MAL2: variants seen among roughly 807,000 people sequenced by gnomAD.
The protein encoded by MAL2 is mal, T cell differentiation protein 2, also known as protein MAL2.
MAL2 carries 17 observed loss-of-function variants against 18.1 expected under a neutral mutation model. That is an observed-to-expected ratio of 0.94 (90% CI 0.64 to 1.41). MAL2 has a LOEUF of 1.41. MAL2 is among the 40% of genes most tolerant of loss of function. MAL2 has a pLI of 0.00. For synonymous variants in MAL2, 102 were observed against 102.3 expected (o/e 1.00, Z 0.02); for missense variants, 222 against 231.9 (o/e 0.96, Z 0.28).
chr8:119,218,068 G>C (rs1425049), intron 1 of MAL2, among the ~76,000 whole-genome samples: 133,472 of 152,222 alleles, frequency 0.88, 59,853 homozygotes, highest in Non-Finnish European at 0.97. Context: ...CCATACACCA[G>C]TATGACAGTC....
At position 119,243,677 on chromosome 8, in the gene MAL2, A is replaced by C. The variant is rs964331773; in HGVS notation, c.*189A>C. ...GTTAATTTTATTATGATATTAAAGA[A>C]ATGGCCTTTTATTTTACATCTCTCC... On this transcript the variant is annotated 3_prime_UTR_variant, in exon 4 of 4. Coordinates refer to ENST00000614891, the MANE Select transcript of MAL2 (RefSeq NM_052886.3). 1 of 417,112 alleles carries C rather than the reference A, an allele frequency of 2.4e-6. No homozygotes were observed. The highest frequency in any genetic ancestry group is 2.1e-5 in the African/African-American group (1 of 48,688). 25.8% of individuals were successfully genotyped at this position (417,112 alleles called of 1,614,324 possible). A position where few individuals can be genotyped will look rare whatever the true frequency, so the allele number is the denominator to read the frequency against.
At chr8:119,216,413 T>A (rs1488147242) in intron 1 of MAL2, among the ~76,000 whole-genome samples, 1 of 152,192 alleles carries the variant, frequency 6.6e-6, no homozygotes, top group Non-Finnish European at 1.5e-5. Context: ...AATGGATTTG[T>A]ACCTCAATTA....
intron 1 of MAL2, among the ~76,000 whole-genome samples, chr8:119,217,745 C>T (rs1032600073): frequency 1.3e-5 from 2 of 152,136 alleles, no homozygotes; most frequent in Non-Finnish European, 2.9e-5. Flanking sequence ...TGTTCTCTGT[C>T]AGATTTAACC....
intron 1 of MAL2, among the ~76,000 whole-genome samples, chr8:119,213,647 C>T (rs1041848707): frequency 4.6e-5 from 7 of 152,006 alleles, no homozygotes; most frequent in Admixed American, 3.9e-4. Flanking sequence ...GGTGAAACCC[C>T]CATCTCTACT....
At chr8:119,232,118 A>C (rs1248053329) in intron 2 of MAL2, among the ~76,000 whole-genome samples, 2 of 151,984 alleles carry the variant, frequency 1.3e-5, no homozygotes, top group African/African-American at 4.8e-5. Flanking sequence ...TTATATATTT[A>C]TGTATATATA....
intron 1 of MAL2, among the ~76,000 whole-genome samples, chr8:119,212,095 C>T (rs893509271): frequency 6.6e-6 from 1 of 152,124 alleles, no homozygotes; most frequent in African/African-American, 2.4e-5. Context: ...GGGAAGTGAA[C>T]TGCAGCTAAA....
In MAL2 at chr8:119,221,580, C is replaced by T. The variant is rs757375954; in HGVS notation, c.133-7C>T. On this transcript the variant is annotated splice_polypyrimidine_tract_variant and splice_region_variant and intron_variant, in intron 1 of 3. Transcript: ENST00000614891. Reference sequence around the variant, plus strand: ...AGCAAACCAATTACCCTCTTTTTCTCTTTCAGCTGTTCGGGGGTCTTGTCT... The same window carrying T: ...AGCAAACCAATTACCCTCTTTTTCTTTTTCAGCTGTTCGGGGGTCTTGTCT... The T allele has an allele frequency of 3.7e-6, 6 of 1,612,264 alleles. No homozygotes were observed. Among genetic ancestry groups the T allele is most frequent in the Non-Finnish European group, 5.1e-6 (6 of 1,179,410 alleles).
rs1184956054 is a variant in MAL2, at chr8:119,208,397, G to T, written c.-76G>T. The T allele has an allele frequency of 1.5e-5, 13 of 854,476 alleles. No individual in the cohort carries two copies. Among genetic ancestry groups the T allele is most frequent in the Non-Finnish European group, 1.9e-5 (13 of 701,826 alleles). The allele number at this position is 854,476 out of a possible 1,614,324, so 52.9% of individuals were successfully genotyped here. A position where few individuals can be genotyped will look rare whatever the true frequency, so the allele number is the denominator to read the frequency against. On this transcript the variant is annotated 5_prime_UTR_variant, in exon 1 of 4. Transcript: ENST00000614891. This position sits in a 1 kb window ranked among gnomAD's most constrained non-coding sequence, Gnocchi z 4.3. ...GCCCGCGGAGCTGAGCGGCGGCGGC[G>T]GCGGCGGCAGGAGCCCGGGAGGCGG...
intron 1 of MAL2, among the ~76,000 whole-genome samples, chr8:119,215,882 G>A (rs1425630797): frequency 5.3e-5 from 8 of 152,104 alleles, no homozygotes; most frequent in African/African-American, 1.7e-4. Context: ...TACTTGTGTG[G>A]GCTGCTTTGT....
rs1818096470 is a variant in MAL2 at position 119,243,711 on chromosome 8, C to T, written c.*223C>T. 1.3e-5 allele frequency: 5 copies of T among 372,898 alleles called. No individual in the cohort carries two copies. The highest frequency in any genetic ancestry group is 2.4e-5 in the Non-Finnish European group (5 of 210,010). 23.1% of individuals were successfully genotyped at this position (372,898 alleles called of 1,614,324 possible). ...TTATTTTACATCTCTCCCCTTTTTC[C>T]CTTTCCCCCTTTATTTTCCTCCTTT... On this transcript the variant is annotated 3_prime_UTR_variant, in exon 4 of 4. Coordinates refer to ENST00000614891, the MANE Select transcript of MAL2 (RefSeq NM_052886.3).
intron 1 of MAL2, among the ~76,000 whole-genome samples, chr8:119,218,312 G>A (rs1478241433): frequency 6.6e-6 from 1 of 152,112 alleles, no homozygotes; most frequent in Non-Finnish European, 1.5e-5. Flanking sequence ...GCAGCATTTA[G>A]TTTCCCTTCC....
chr8:119,230,375 T>G (rs1817692127), intron 2 of MAL2, among the ~76,000 whole-genome samples: 1 of 150,802 alleles, frequency 6.6e-6, no homozygotes. Context: ...AGGAAAGCCT[T>G]GAAACCACAA....
chr8:119,235,619 C>T (rs1449761365), intron 2 of MAL2, among the ~76,000 whole-genome samples: 17 of 151,946 alleles, frequency 1.1e-4, no homozygotes, highest in Non-Finnish European at 2.9e-5. Context: ...ACCCTACAAG[C>T]CAGAAGAGAG....
chr8:119,240,436 A>G, intron 3 of MAL2, 116 bp downstream of exon 3: 2 of 1,041,460 alleles, frequency 1.9e-6, no homozygotes, highest in African/African-American at 1.6e-5. Context: ...TTGGCATTAA[A>G]TATGTAATAG....
At chr8:119,234,106 C>G (rs556310750) in intron 2 of MAL2, among the ~76,000 whole-genome samples, 2 of 152,154 alleles carry the variant, frequency 1.3e-5, no homozygotes, top group East Asian at 1.9e-4. Flanking sequence ...GTGCGCGCAC[C>G]GTGCGCGAGC....
At chr8:119,242,581 G>C (rs114301578) in intron 3 of MAL2, among the ~76,000 whole-genome samples, 1,740 of 152,264 alleles carry the variant, frequency 0.011, 35 homozygotes, top group African/African-American at 0.04. Context: ...ACAATGTCTA[G>C]ATTAGAAATG....
rs1180616951 is a variant in MAL2 at position 119,230,824 on chromosome 8, T to C, written c.303+9067T>C. 3.9e-5 allele frequency among the ~76,000 whole-genome samples: 6 copies of C among 152,300 alleles called. No homozygotes were observed. In the East Asian group the frequency reaches 1.2e-3, roughly 29 times the overall value. On this transcript the variant is annotated intron_variant, in intron 2 of 3. Transcript: ENST00000614891. ...TTGGGGTTTGACCTTCATCAGCTAA[T>C]ATTTGTTGAATAACCACATGTATTT...
chr8:119,232,006 A>G (rs980732069), intron 2 of MAL2, among the ~76,000 whole-genome samples: 1 of 152,200 alleles, frequency 6.6e-6, no homozygotes, highest in African/African-American at 2.4e-5. Flanking sequence ...CATGGCAACT[A>G]TAGTTAATAA....
chr8:119,228,163 G>C (rs548214344), intron 2 of MAL2, among the ~76,000 whole-genome samples: 8 of 152,074 alleles, frequency 5.3e-5, no homozygotes, highest in Non-Finnish European at 1.0e-4. Context: ...TTCTCTTGAA[G>C]TTTAGTGGCA....
Sources: allele counts gnomAD v4.1 joint callset (sites outside exome capture counted in the v4.1 genomes callset), GRCh38; gene constraint gnomAD v4.1.1; non-coding constraint Gnocchi (gnomAD v3.1); transcripts MANE v1.5; gene names NCBI Gene and HGNC (gene_info 2026-07-23, HGNC 2026-07-21).